Variants in BBS9 observed in about 807,000 individuals in gnomAD.
The protein encoded by BBS9 is Bardet-Biedl syndrome 9.
A neutral mutation model predicts 117.7 loss-of-function variants in BBS9; 89 were observed. The observed-to-expected ratio is 0.76, with a 90% CI of 0.64 to 0.90. The LOEUF is 0.90. Among genes scored for constraint, BBS9 ranks in the 40% least tolerant of loss-of-function variants. The pLI, the probability that BBS9 is intolerant of heterozygous loss-of-function variation, is 0.00. For synonymous variants in BBS9, 379 were observed against 370.9 expected (o/e 1.02, Z -0.25); for missense variants, 982 against 1,042.2 (o/e 0.94, Z 0.80).
intron 21 of BBS9, 164 bp downstream of exon 21, chr7:33,534,340 A>G: frequency 1.4e-6 from 1 of 734,034 alleles, no homozygotes. Context: ...CCCCTTGAAT[A>G]AATATCCCTG....
At chr7:33,390,608 T>A in intron 19 of BBS9, 1 of 969,170 alleles carries the variant, frequency 1.0e-6, no homozygotes, top group Non-Finnish European at 1.2e-6. Flanking sequence ...GTGTTGATTG[T>A]TCAATAAGTT....
At chr7:33,440,078 C>T (rs1055538245) in intron 19 of BBS9, among the ~76,000 whole-genome samples, 10 of 152,068 alleles carry the variant, frequency 6.6e-5, no homozygotes, top group South Asian at 2.1e-4. Context: ...TTAGGGCTGG[C>T]GGTTTTCCAG....
intron 19 of BBS9, among the ~76,000 whole-genome samples, chr7:33,475,833 C>T (rs1207067752): frequency 6.6e-6 from 1 of 152,150 alleles, no homozygotes; most frequent in Non-Finnish European, 1.5e-5. Flanking sequence ...CCAGCAGTGT[C>T]TACTGACAAT....
chr7:33,447,885 A>G (rs187412043), intron 19 of BBS9, among the ~76,000 whole-genome samples: 10 of 152,306 alleles, frequency 6.6e-5, no homozygotes, highest in African/African-American at 2.4e-4. Flanking sequence ...GGTTGCCTAC[A>G]TGTTATCTAA....
At chr7:33,574,020 C>A (rs1041267690) in intron 21 of BBS9, among the ~76,000 whole-genome samples, 52 of 152,230 alleles carry the variant, frequency 3.4e-4, no homozygotes, top group African/African-American at 1.2e-3. Flanking sequence ...CTGTCCACTT[C>A]AACTTCTCCA....
chr7:33,562,887 G>A (rs1483200068), intron 21 of BBS9, among the ~76,000 whole-genome samples: 2 of 152,040 alleles, frequency 1.3e-5, no homozygotes, highest in East Asian at 3.9e-4. Context: ...TTGTGCCACT[G>A]CACTCCAGGC....
intron 20 of BBS9, among the ~76,000 whole-genome samples, chr7:33,519,815 G>A (rs75378410): frequency 0.011 from 1,662 of 152,204 alleles, 18 homozygotes; most frequent in African/African-American, 0.038. Context: ...GGCCACAGTG[G>A]TCAAGTGTGG....
At chr7:33,427,757 A>G (rs1412032786) in intron 19 of BBS9, among the ~76,000 whole-genome samples, 2 of 152,182 alleles carry the variant, frequency 1.3e-5, no homozygotes, top group Non-Finnish European at 2.9e-5. Flanking sequence ...AAGAAATTTG[A>G]TGCTCTTCGA....
At chr7:33,178,769 G>A (rs1038263903) in intron 5 of BBS9, among the ~76,000 whole-genome samples, 25 of 151,236 alleles carry the variant, frequency 1.7e-4, no homozygotes, top group African/African-American at 6.1e-4. Context: ...ATTCATTTGT[G>A]TGAACTCAGT....
intron 21 of BBS9, among the ~76,000 whole-genome samples, chr7:33,601,212 C>T (rs1263643857): frequency 2.6e-5 from 4 of 152,172 alleles, no homozygotes; most frequent in Non-Finnish European, 2.9e-5. Context: ...TTTTAAGTCT[C>T]CTGCCCTCCT....
intron 21 of BBS9, among the ~76,000 whole-genome samples, chr7:33,542,035 T>C (rs1235770070): frequency 6.6e-6 from 1 of 152,168 alleles, no homozygotes; most frequent in Non-Finnish European, 1.5e-5. Context: ...AGAAAATTTA[T>C]TTATATTTCT....
chr7:33,205,722 C>T (rs957194994), intron 5 of BBS9, among the ~76,000 whole-genome samples: 7 of 152,058 alleles, frequency 4.6e-5, no homozygotes, highest in Non-Finnish European at 5.9e-5. Flanking sequence ...AAATTTATGT[C>T]TTATTTTCCT....
intron 21 of BBS9, among the ~76,000 whole-genome samples, chr7:33,561,062 C>G (rs566586274): frequency 4.7e-4 from 71 of 152,160 alleles, no homozygotes; most frequent in Non-Finnish European, 8.5e-4. Flanking sequence ...ACTTGCTTTG[C>G]TCTTACTGCA....
At chr7:33,348,835 G>A (rs1167682654) in intron 12 of BBS9, among the ~76,000 whole-genome samples, 1 of 152,150 alleles carries the variant, frequency 6.6e-6, no homozygotes, top group East Asian at 1.9e-4. Flanking sequence ...ATCTTTGCAT[G>A]TACATATTGC....
At chr7:33,527,715 G>A (rs552175006) in intron 20 of BBS9, among the ~76,000 whole-genome samples, 5 of 152,306 alleles carry the variant, frequency 3.3e-5, no homozygotes, top group South Asian at 4.1e-4. Context: ...CTTCTGCGTC[G>A]CTCACGCTGG....
At chr7:33,242,852 G>A (rs1042782970) in intron 5 of BBS9, 3 of 483,520 alleles carry the variant, frequency 6.2e-6, no homozygotes, top group Admixed American at 2.2e-5. Flanking sequence ...ATGTCATTAG[G>A]TACCTACACT....
In BBS9 at chr7:33,605,180, T is replaced by C. The variant is rs757904510; in HGVS notation, c.2633-15T>C. On this transcript the variant is annotated splice_polypyrimidine_tract_variant and intron_variant, in intron 22 of 22. Coordinates refer to ENST00000242067, the MANE Select transcript of BBS9 (RefSeq NM_198428.3). ...TCTTTTCTCTCTCTTTCTCTCTTAC[T>C]CTCTTTTTTTCCAGAAGTTTCACCC... The C allele has an allele frequency of 7.5e-6, 12 of 1,607,340 alleles. No individual in the cohort carries two copies. In the South Asian group the frequency reaches 1.1e-4, roughly 15 times the overall value.
chr7:33,496,616 A>C (rs1844754838), intron 19 of BBS9, among the ~76,000 whole-genome samples: 1 of 152,202 alleles, frequency 6.6e-6, no homozygotes, highest in Admixed American at 6.5e-5. Context: ...ATAGAATGAA[A>C]TCCAGTTCAC....
intron 9 of BBS9, among the ~76,000 whole-genome samples, chr7:33,293,806 T>C (rs1472485530): frequency 6.6e-6 from 1 of 152,236 alleles, no homozygotes; most frequent in Non-Finnish European, 1.5e-5. Flanking sequence ...ATGCTGTATT[T>C]CTCCCAAATA....
Sources: allele counts gnomAD v4.1 joint callset (sites outside exome capture counted in the v4.1 genomes callset), GRCh38; gene constraint gnomAD v4.1.1; transcripts MANE v1.5; gene names NCBI Gene and HGNC (gene_info 2026-07-23, HGNC 2026-07-21).